The following CEP162 variants were observed in gnomAD, a reference collection of about 807,000 sequenced individuals.
CEP162 encodes the protein centrosomal protein 162, also known as centrosomal protein of 162 kDa.
Under a neutral mutation model 169.2 loss-of-function variants are expected in CEP162, and 141 were observed. The observed-to-expected ratio is 0.83, with a 90% CI of 0.73 to 0.96. The LOEUF (loss-of-function observed/expected upper bound fraction) is 0.96. Ranked by LOEUF, CEP162 falls within the 40% of genes least tolerant of loss-of-function variation. The pLI is 0.00. For synonymous variants in CEP162, 540 were observed against 526.4 expected (o/e 1.03, Z -0.35); for missense variants, 1,600 against 1,587.2 (o/e 1.01, Z -0.14).
chr6:84,170,960 C>G (rs997486144), intron 17 of CEP162, among the ~76,000 whole-genome samples: 9 of 152,194 alleles, frequency 5.9e-5, no homozygotes, highest in African/African-American at 2.2e-4. Flanking sequence ...AGCCCCTACT[C>G]CTTTCCACAG....
chr6:84,142,424 G>A (rs1463714559), intron 25 of CEP162, among the ~76,000 whole-genome samples: 2 of 151,988 alleles, frequency 1.3e-5, no homozygotes, highest in South Asian at 2.1e-4. Context: ...GTGTATATAC[G>A]TATACATTTT....
chr6:84,161,098 G>T (rs542600946), intron 20 of CEP162, among the ~76,000 whole-genome samples, 182 bp from the exon 21 acceptor site: 1 of 152,276 alleles, frequency 6.6e-6, no homozygotes, highest in South Asian at 2.1e-4. Flanking sequence ...TCTGGCAGGA[G>T]ATATGGAGGG....
chr6:84,148,360 C>T (rs1181348467), intron 24 of CEP162, among the ~76,000 whole-genome samples: 1 of 152,048 alleles, frequency 6.6e-6, no homozygotes, highest in Non-Finnish European at 1.5e-5. Flanking sequence ...GAAACCCCAT[C>T]TCTACCAAAA....
chr6:84,143,554 T>C (rs371765567), intron 25 of CEP162, among the ~76,000 whole-genome samples: 3 of 151,906 alleles, frequency 2.0e-5, no homozygotes, highest in South Asian at 2.1e-4. Flanking sequence ...TAAAGTAGAA[T>C]GACAGACTGT....
chr6:84,142,743 T>G (rs1334490138), intron 25 of CEP162, among the ~76,000 whole-genome samples: 1 of 152,144 alleles, frequency 6.6e-6, no homozygotes, highest in Non-Finnish European at 1.5e-5. Context: ...CATTTAAAAT[T>G]AAAGACCTAG....
intron 21 of CEP162, 65 bp from the exon 22 acceptor site, chr6:84,155,575 G>A: frequency 9.1e-7 from 1 of 1,099,996 alleles, no homozygotes. Flanking sequence ...TAAAGTTTCA[G>A]GATACAATCT....
At chr6:84,215,522 T>G in intron 4 of CEP162, 57 bp from the exon 5 acceptor site, 1 of 1,334,134 alleles carries the variant, frequency 7.5e-7, no homozygotes, top group East Asian at 2.5e-5. Context: ...AAACATTGAT[T>G]TGAATGATGC....
chr6:84,156,876 C>T (rs2129205605), intron 21 of CEP162, among the ~76,000 whole-genome samples: 1 of 152,124 alleles, frequency 6.6e-6, no homozygotes, highest in Middle Eastern at 3.4e-3. Flanking sequence ...AAGTAAAACT[C>T]CACATGTTCT....
chr6:84,190,311 A>T (rs2099539295), intron 11 of CEP162, among the ~76,000 whole-genome samples: 1 of 152,150 alleles, frequency 6.6e-6, no homozygotes, highest in African/African-American at 2.4e-5. Flanking sequence ...CAGCGCCCTG[A>T]CAAAACAGGC....
intron 25 of CEP162, among the ~76,000 whole-genome samples, chr6:84,144,792 T>G (rs762500140): frequency 2.0e-5 from 3 of 152,166 alleles, no homozygotes; most frequent in Non-Finnish European, 4.4e-5. Flanking sequence ...TTTAATATTC[T>G]GTAGAGAACT....
intron 11 of CEP162, among the ~76,000 whole-genome samples, chr6:84,187,105 A>G (rs768478039): frequency 1.3e-5 from 2 of 152,192 alleles, no homozygotes; most frequent in Admixed American, 1.3e-4. Context: ...AAAAAAGCAT[A>G]TATTTAATCA....
At chr6:84,190,764 GGCTTCATTCTAGAAGTCA>G (rs2099539555) in intron 11 of CEP162, among the ~76,000 whole-genome samples, 1 of 152,198 alleles carries the variant, frequency 6.6e-6, no homozygotes, top group Non-Finnish European at 1.5e-5. Flanking sequence ...GAGCGTCCGC[GGCTTCATTCTAGAAGTCA>G]GTGAGACCAA....
intron 2 of CEP162, among the ~76,000 whole-genome samples, chr6:84,221,888 T>C (rs943100427): frequency 6.6e-6 from 1 of 152,150 alleles, no homozygotes; most frequent in Non-Finnish European, 1.5e-5. Flanking sequence ...CTCTAGGTTC[T>C]TCCTTCCTTG....
intron 18 of CEP162, among the ~76,000 whole-genome samples, chr6:84,168,340 T>C (rs779481102): frequency 6.6e-5 from 10 of 152,204 alleles, no homozygotes; most frequent in Non-Finnish European, 1.3e-4. Flanking sequence ...GGAAGTTTCC[T>C]ATAATGGATT....
intron 17 of CEP162, among the ~76,000 whole-genome samples, chr6:84,171,174 G>T (rs1473244321): frequency 6.6e-6 from 1 of 152,038 alleles, no homozygotes; most frequent in Non-Finnish European, 1.5e-5. Context: ...TCTCCACAAG[G>T]ACCTCCACCA....
intron 13 of CEP162, among the ~76,000 whole-genome samples, chr6:84,181,297 A>G (rs951481690): frequency 8.5e-5 from 13 of 152,330 alleles, no homozygotes; most frequent in Middle Eastern, 6.8e-3. Flanking sequence ...CTGGCTAGCC[A>G]TATGTAGAAA....
At chr6:84,215,953 T>G (rs1442021183) in intron 3 of CEP162, 31 bp from the exon 4 acceptor site, 1 of 1,490,540 alleles carries the variant, frequency 6.7e-7, no homozygotes, top group East Asian at 2.5e-5. Flanking sequence ...AGATGAAGAT[T>G]TATGTTCAAA....
chr6:84,145,094 C>T (rs752604173), intron 25 of CEP162, among the ~76,000 whole-genome samples: 23 of 152,054 alleles, frequency 1.5e-4, no homozygotes, highest in Non-Finnish European at 2.6e-4. Context: ...GACTTTCTGA[C>T]GCCAATAAAG....
At chr6:84,167,442 T>A (rs560077059) in intron 18 of CEP162, among the ~76,000 whole-genome samples, 2 of 152,324 alleles carry the variant, frequency 1.3e-5, no homozygotes, top group Non-Finnish European at 2.9e-5. Context: ...AGTCTATTTA[T>A]TTTATAGCAA....
Sources: allele counts gnomAD v4.1 joint callset (sites outside exome capture counted in the v4.1 genomes callset), GRCh38; gene constraint gnomAD v4.1.1; transcripts MANE v1.5; gene names NCBI Gene and HGNC (gene_info 2026-07-23, HGNC 2026-07-21).